SCN10A: variants seen among roughly 807,000 people sequenced by gnomAD.
SCN10A encodes the protein sodium voltage-gated channel alpha subunit 10, also known as sodium channel protein type 10 subunit alpha.
SCN10A carries 162 observed loss-of-function variants against 170.7 expected under a neutral mutation model. The ratio of observed to expected loss-of-function variants is 0.95; its 90% CI spans 0.84 to 1.08. The LOEUF (loss-of-function observed/expected upper bound fraction) is 1.08. SCN10A is among the 50% of genes least tolerant of loss of function. The pLI, the probability that SCN10A is intolerant of heterozygous loss-of-function variation, is 0.00. For missense variants in SCN10A, 2,527 were observed against 2,436.9 expected (o/e 1.04, Z -0.78); for synonymous variants, 985 against 904.6 (o/e 1.09, Z -1.59).
In SCN10A at chr3:38,771,304, G is replaced by A; in HGVS notation, c.574C>T (p.Leu192=). Residue 192 remains leucine (L), a synonymous_variant, in exon 5 of 28, where the codon CTG becomes TTG. Coordinates refer to ENST00000449082, the MANE Select transcript of SCN10A (RefSeq NM_006514.4). ...GCCAGGGTAATGACGCTAAAATCCA[G>A]CCAGTTCCAAGGATCTCTCAGGTAC... ...FTYLRDPWNW[L]DFSVITLAYV... 6.2e-7 allele frequency: 1 copy of A among 1,614,092 alleles called. No individual in the cohort carries two copies. The highest frequency in any genetic ancestry group is 1.3e-5 in the African/African-American group (1 of 75,042).
chr3:38,744,748 T>C (rs1559438761), intron 13 of SCN10A, among the ~76,000 whole-genome samples: 1 of 152,256 alleles, frequency 6.6e-6, no homozygotes. Flanking sequence ...TGATTATTTA[T>C]ATCAACATTA....
chr3:38,756,955 A>G, intron 9 of SCN10A, 63 bp downstream of exon 9: 1 of 1,606,104 alleles, frequency 6.2e-7, no homozygotes, highest in Non-Finnish European at 8.5e-7. Context: ...CAGGAAAAGC[A>G]CAGCCATGCA....
At chr3:38,789,907 A>T (rs910994991) in intron 3 of SCN10A, among the ~76,000 whole-genome samples, 4 of 152,184 alleles carry the variant, frequency 2.6e-5, no homozygotes, top group Non-Finnish European at 5.9e-5. Flanking sequence ...GTGCTTCCTA[A>T]GGAAAAATAA....
intron 15 of SCN10A, among the ~76,000 whole-genome samples, chr3:38,735,584 T>G (rs1319346584): frequency 6.6e-6 from 1 of 152,224 alleles, no homozygotes; most frequent in Non-Finnish European, 1.5e-5. Flanking sequence ...GCAAGATAAT[T>G]CTAAAGTGAA....
chr3:38,782,984 C>T (rs1470698245), intron 4 of SCN10A, among the ~76,000 whole-genome samples: 1 of 152,096 alleles, frequency 6.6e-6, no homozygotes, highest in African/African-American at 2.4e-5. Flanking sequence ...GGGATGTCAG[C>T]ATAGTTGGGT....
At chr3:38,716,299 T>TTGTGGGAGGGGAGGGACCC (rs2063333125) in intron 21 of SCN10A, among the ~76,000 whole-genome samples, 1 of 152,086 alleles carries the variant, frequency 6.6e-6, no homozygotes, top group Non-Finnish European at 1.5e-5. Context: ...TTCCCATGTG[T>TTGTGGGAGGGGAGGGACCC]TGTGGGAGGG....
At chr3:38,725,047 A>C in intron 18 of SCN10A, 127 bp downstream of exon 18, 2 of 824,550 alleles carry the variant, frequency 2.4e-6, no homozygotes, top group Non-Finnish European at 3.5e-6. Flanking sequence ...CCAGGATAAG[A>C]AATGAGGTTA....
At chr3:38,790,209 G>T (rs1281560990) in intron 3 of SCN10A, among the ~76,000 whole-genome samples, 1 of 152,046 alleles carries the variant, frequency 6.6e-6, no homozygotes, top group Non-Finnish European at 1.5e-5. Context: ...TATATCTTAT[G>T]TATAATATTA....
intron 1 of SCN10A, among the ~76,000 whole-genome samples, chr3:38,808,923 C>T (rs540121194): frequency 6.6e-6 from 1 of 152,256 alleles, no homozygotes; most frequent in East Asian, 1.9e-4. Context: ...GGATGTTCTG[C>T]CAACTTGCTT....
At chr3:38,776,080 A>G (rs528992131) in intron 4 of SCN10A, among the ~76,000 whole-genome samples, 1 of 152,230 alleles carries the variant, frequency 6.6e-6, no homozygotes, top group East Asian at 1.9e-4. Context: ...ATAGCTTTAT[A>G]TCATTACTTG....
At chr3:38,793,608 T>G (rs79414348) in intron 2 of SCN10A, 133 bp downstream of exon 2, 3 of 724,526 alleles carry the variant, frequency 4.1e-6, no homozygotes, top group Non-Finnish European at 4.6e-6. Flanking sequence ...ATATATATAT[T>G]TTTTTTGGTT....
chr3:38,710,952 C>A (rs1449862508), intron 23 of SCN10A, 55 bp from the exon 24 acceptor site: 11 of 1,468,974 alleles, frequency 7.5e-6, no homozygotes, highest in Non-Finnish European at 1.0e-5. Context: ...TATACTGGAC[C>A]CTTCCCAAGC....
intron 12 of SCN10A, among the ~76,000 whole-genome samples, chr3:38,751,380 A>G (rs2126022674): frequency 6.6e-6 from 1 of 152,350 alleles, no homozygotes; most frequent in African/African-American, 2.4e-5. Context: ...ATACTTTACT[A>G]AACTCTCTCT....
intron 16 of SCN10A, 89 bp downstream of exon 16, chr3:38,728,453 T>C: frequency 1.4e-6 from 2 of 1,398,810 alleles, no homozygotes; most frequent in Non-Finnish European, 1.9e-6. Flanking sequence ...AATCTGGGCA[T>C]AAAAATGCAG....
intron 5 of SCN10A, among the ~76,000 whole-genome samples, chr3:38,771,056 C>T (rs1009570288): frequency 6.6e-6 from 1 of 152,182 alleles, no homozygotes; most frequent in Non-Finnish European, 1.5e-5. Flanking sequence ...CACAGTTTTT[C>T]ACCTGTCTTG....
intron 19 of SCN10A, among the ~76,000 whole-genome samples, chr3:38,722,718 G>C (rs893100073): frequency 6.6e-6 from 1 of 152,226 alleles, no homozygotes; most frequent in East Asian, 1.9e-4. Context: ...GACAAGCTAC[G>C]GCGTATGAGC....
intron 21 of SCN10A, among the ~76,000 whole-genome samples, chr3:38,717,789 C>A (rs993658725): frequency 6.6e-6 from 1 of 152,160 alleles, no homozygotes; most frequent in Admixed American, 6.5e-5. Context: ...CATGCCTCAC[C>A]CTGCTTGCAG....
At chr3:38,699,711 C>G (rs908267889) in intron 27 of SCN10A, among the ~76,000 whole-genome samples, 1 of 151,778 alleles carries the variant, frequency 6.6e-6, no homozygotes, top group Non-Finnish European at 1.5e-5. Flanking sequence ...CATTATTTGT[C>G]TACATACTCT....
Position 38,742,309 on chromosome 3 carries a change from C to G in SCN10A, c.2088G>C (p.Met696Ile), listed in dbSNP as rs1180365336. Residue 696 changes from methionine to isoleucine, a missense_variant, in exon 14 of 28, where the codon ATG becomes ATC. Transcript: ENST00000449082. ...CACTCACGATGTTGCCTATCTGGAG[C>G]ATGGCTTCGAAGGTAGGGCTCATGC... Reference protein sequence around the residue: ...HHGMSPTFEAMLQIGNIVFTI... With the variant: ...HHGMSPTFEAILQIGNIVFTI... 6.2e-7 allele frequency: 1 copy of G among 1,613,800 alleles called. No homozygotes were observed. Among genetic ancestry groups the G allele is most frequent in the Admixed American group, 1.7e-5 (1 of 60,000 alleles).
Sources: gnomAD v4.1 joint callset for allele counts (sites outside exome capture counted in the v4.1 genomes callset) on GRCh38, gnomAD v4.1.1 for gene constraint, MANE v1.5 for transcripts, NCBI Gene and HGNC (gene_info 2026-07-23, HGNC 2026-07-21) for gene names.